Variants in ATXN10 observed in about 807,000 individuals in gnomAD.
ATXN10 encodes the protein ataxin 10.
In ATXN10, 28 loss-of-function variants were observed where a neutral mutation model predicts 52.9. That is an observed-to-expected ratio of 0.53 (90% CI 0.39 to 0.73). The LOEUF is 0.73. ATXN10 is among the 30% of genes least tolerant of loss of function. The pLI, the probability that ATXN10 is intolerant of heterozygous loss-of-function variation, is 0.00. For synonymous variants in ATXN10, 226 were observed against 221.5 expected, an observed-to-expected ratio of 1.02 and a Z score of -0.18; for missense variants, 565 against 577.0, an observed-to-expected ratio of 0.98 and a Z score of 0.21.
In ATXN10 at chr22:45,843,982, T is replaced by A. The variant is rs1249302909; in HGVS notation, c.*311T>A. 1.1e-5 allele frequency: 4 copies of A among 374,460 alleles called. No homozygotes were observed. Among genetic ancestry groups the A allele is most frequent in the African/African-American group, 8.3e-5 (4 of 48,348 alleles). 23.2% of individuals were successfully genotyped at this position (374,460 alleles called of 1,614,324 possible). On this transcript the variant is annotated 3_prime_UTR_variant, in exon 12 of 12. Coordinates refer to ENST00000252934, the MANE Select transcript of ATXN10 (RefSeq NM_013236.4). This position sits in a 1 kb window ranked among gnomAD's most constrained non-coding sequence, Gnocchi z 4.5. The stretch of plus-strand genomic sequence containing the variant: ...GTCTCTTGGAGGGCACAACCCTTAT[T>A]TGACAAAACTTGGATGTTGGCTTGA...
rs1002612336 is a variant in ATXN10 at position 45,774,675 on chromosome 22, A to G, written c.1174-32284A>G. Reference sequence around the variant, plus strand: ...GGGCTGGACGCGGTGGCTCACGCTTATAATCCTAGCACTTTGGGAGGCTGA... The same window carrying G: ...GGGCTGGACGCGGTGGCTCACGCTTGTAATCCTAGCACTTTGGGAGGCTGA... On this transcript the variant is annotated intron_variant, in intron 9 of 11. Transcript: ENST00000252934. The surrounding 1 kb of genome is among the most constrained non-coding windows in gnomAD (Gnocchi z 6.2). Among the ~76,000 whole-genome samples, 1 of 152,162 alleles carries G rather than the reference A, an allele frequency of 6.6e-6. No individual in the cohort carries two copies. The highest frequency in any genetic ancestry group is 2.4e-5 in the African/African-American group (1 of 41,446).
At chr22:45,798,377 G>A (rs968118018) in intron 9 of ATXN10, among the ~76,000 whole-genome samples, 1 of 152,168 alleles carries the variant, frequency 6.6e-6, no homozygotes, top group East Asian at 1.9e-4. Context: ...TTTGATGTTA[G>A]AAAAGCAGAC....
At position 45,818,260 on chromosome 22, in the gene ATXN10, T is replaced by G. The variant is rs558070286; in HGVS notation, c.1237+11238T>G. Among the ~76,000 whole-genome samples, 38 of 152,324 alleles carry G rather than the reference T, an allele frequency of 2.5e-4. No individual in the cohort carries two copies. The highest frequency in any genetic ancestry group is 8.9e-4 in the African/African-American group (37 of 41,572). ...TGTACGGATTGGCAGACAGCCTGGC[T>G]TCTTTCCAGGGCATTAACAGTTATG... is the stretch of plus-strand genomic sequence containing the variant. On this transcript the variant is annotated intron_variant, in intron 10 of 11. Coordinates refer to ENST00000252934, the MANE Select transcript of ATXN10 (RefSeq NM_013236.4). This position sits in a 1 kb window ranked among gnomAD's most constrained non-coding sequence, Gnocchi z 4.6.
rs868625412 is a variant in ATXN10, at chr22:45,833,636, A to G, written c.1238-9355A>G. 2.2e-4 allele frequency among the ~76,000 whole-genome samples: 33 copies of G among 152,244 alleles called. No individual in the cohort carries two copies. The Middle Eastern group carries it at 0.01, about 47-fold the overall frequency. On this transcript the variant is annotated intron_variant, in intron 10 of 11. Coordinates refer to ENST00000252934, the MANE Select transcript of ATXN10 (RefSeq NM_013236.4). This position sits in a 1 kb window ranked among gnomAD's most constrained non-coding sequence, Gnocchi z 4.3. ...TAGCTTATTAGCTAGTTCTAAAGGT[A>G]TTTTGCAGAGATAGTTACTCTGACT...
Position 45,783,953 on chromosome 22 carries a change from G to A in ATXN10, c.1174-23006G>A, listed in dbSNP as rs978976980. On this transcript the variant is annotated intron_variant, in intron 9 of 11. Coordinates refer to ENST00000252934, the MANE Select transcript of ATXN10 (RefSeq NM_013236.4). This position sits in a 1 kb window ranked among gnomAD's most constrained non-coding sequence, Gnocchi z 5.0. ...CTTGAGATGTCTTCCTAGGTCTGCTGAGGCTGGCGGCCCACTACCCGCATT... is the reference window on the plus strand; with the variant it reads ...CTTGAGATGTCTTCCTAGGTCTGCTAAGGCTGGCGGCCCACTACCCGCATT... 6.6e-6 allele frequency among the ~76,000 whole-genome samples: 1 copy of A among 152,158 alleles called. No individual in the cohort carries two copies. Among genetic ancestry groups the A allele is most frequent in the Non-Finnish European group, 1.5e-5 (1 of 68,024 alleles).
rs1463270793 is a variant in ATXN10 at position 45,763,860 on chromosome 22, A to G, written c.1173+23322A>G. Among the ~76,000 whole-genome samples, 2 of 152,160 alleles carry G rather than the reference A, an allele frequency of 1.3e-5. No homozygotes were observed. Among genetic ancestry groups the G allele is most frequent in the Non-Finnish European group, 2.9e-5 (2 of 68,028 alleles). On this transcript the variant is annotated intron_variant, in intron 9 of 11. Coordinates refer to ENST00000252934, the MANE Select transcript of ATXN10 (RefSeq NM_013236.4). This position sits in a 1 kb window ranked among gnomAD's most constrained non-coding sequence, Gnocchi z 6.9. ...GGGCTCACTGAGTGAGCTGGTGAGC[A>G]TGGGCTGTCTTGAGGTGCCGGCTGT...
At chr22:45,809,427 C>G (rs887610306) in intron 10 of ATXN10, among the ~76,000 whole-genome samples, 3 of 152,154 alleles carry the variant, frequency 2.0e-5, no homozygotes, top group East Asian at 3.8e-4. Context: ...TCTAGCTCCA[C>G]TTTTTACACT....
At chr22:45,741,285 C>T (rs1176286977) in intron 9 of ATXN10, among the ~76,000 whole-genome samples, 1 of 152,188 alleles carries the variant, frequency 6.6e-6, no homozygotes, top group African/African-American at 2.4e-5. Flanking sequence ...GCATCTATTT[C>T]TCCATCCACT....
At chr22:45,691,268 G>A (rs1004385372) in intron 2 of ATXN10, among the ~76,000 whole-genome samples, 6 of 152,186 alleles carry the variant, frequency 3.9e-5, no homozygotes, top group African/African-American at 1.2e-4. Context: ...AAGGAGAGCC[G>A]TAGAACTAAC....
intron 9 of ATXN10, among the ~76,000 whole-genome samples, chr22:45,798,287 C>T (rs1927815359): frequency 6.6e-6 from 1 of 152,168 alleles, no homozygotes; most frequent in African/African-American, 2.4e-5. Flanking sequence ...TTCAAAATAT[C>T]AGCAAAGTGG....
At chr22:45,753,284 C>T (rs1353696163) in intron 9 of ATXN10, among the ~76,000 whole-genome samples, 1 of 150,472 alleles carries the variant, frequency 6.6e-6, no homozygotes, top group African/African-American at 2.4e-5. Context: ...GGCAGAAGTC[C>T]CATAGGTCCT....
intron 9 of ATXN10, among the ~76,000 whole-genome samples, chr22:45,755,874 T>G (rs530954353): frequency 1.3e-3 from 193 of 152,284 alleles, no homozygotes; most frequent in Non-Finnish European, 1.9e-3. Context: ...TAGAAATCTG[T>G]GAACTGAGCC....
rs141775257 is a variant in ATXN10 at position 45,696,854 on chromosome 22, A to G, written c.392-3428A>G. On this transcript the variant is annotated intron_variant, in intron 3 of 11. Transcript: ENST00000252934. The surrounding 1 kb of genome is among the most constrained non-coding windows in gnomAD (Gnocchi z 4.7). ...TTTAACGGAGCAGATATCTGAAACT[A>G]CTTTTATGAACCAGTTTGTCATTGA... Among the ~76,000 whole-genome samples, 151 of 152,318 alleles carry G rather than the reference A, an allele frequency of 9.9e-4. 1 individual carries two copies. The highest frequency in any genetic ancestry group is 9.8e-3 in the South Asian group (47 of 4,818).
At chr22:45,827,471 A>G (rs1928853681) in intron 10 of ATXN10, among the ~76,000 whole-genome samples, 1 of 152,198 alleles carries the variant, frequency 6.6e-6, no homozygotes, top group African/African-American at 2.4e-5. Flanking sequence ...AGAAAAAGAT[A>G]GTATAAGGAA....
Position 45,732,351 on chromosome 22 carries a change from G to A in ATXN10, c.894+2761G>A, listed in dbSNP as rs559066720. The stretch of plus-strand genomic sequence containing the variant: ...GTGTGTGCCTGTGTTCCTAGCCACC[G>A]GTGAGGCTGAGGTGGGAGGCTTGCC... On this transcript the variant is annotated intron_variant, in intron 7 of 11. Coordinates refer to ENST00000252934, the MANE Select transcript of ATXN10 (RefSeq NM_013236.4). This position sits in a 1 kb window ranked among gnomAD's most constrained non-coding sequence, Gnocchi z 4.5. 4.6e-5 allele frequency among the ~76,000 whole-genome samples: 7 copies of A among 151,892 alleles called. No homozygotes were observed. Among genetic ancestry groups the A allele is most frequent in the African/African-American group, 1.7e-4 (7 of 41,392 alleles).
In ATXN10 at chr22:45,693,037, T is replaced by A. The variant is rs767715353; in HGVS notation, c.350T>A (p.Leu117Gln). The change falls in exon 3 of 12, where the codon CTG (leucine) becomes CAG (glutamine). Residue 117 changes from leucine to glutamine, a missense_variant. Leu to Gln is a moderately radical substitution (Grantham distance 113). Coordinates refer to ENST00000252934, the MANE Select transcript of ATXN10 (RefSeq NM_013236.4). ...GGTGTTGCTGTTGATTTGATTCTTC[T>A]GTTTCGTGAACTGCGAGTGGAACAG... ...TIGVAVDLIL[L>Q]FRELRVEQES... is the part of the protein sequence containing the mutation. 1.2e-6 allele frequency: 2 copies of A among 1,614,174 alleles called. No individual in the cohort carries two copies. The highest frequency in any genetic ancestry group is 3.3e-5 in the Admixed American group (2 of 60,022).
chr22:45,697,989 C>T (rs1478580202), intron 3 of ATXN10, among the ~76,000 whole-genome samples: 1 of 152,190 alleles, frequency 6.6e-6, no homozygotes, highest in Non-Finnish European at 1.5e-5. Context: ...CTTCGTTCCT[C>T]TTTATGGTGG....
intron 5 of ATXN10, among the ~76,000 whole-genome samples, chr22:45,716,203 T>G (rs1946019215): frequency 1.3e-5 from 2 of 152,128 alleles, no homozygotes; most frequent in South Asian, 4.1e-4. Flanking sequence ...AGTTTGAGGG[T>G]GCAGTGAGCT....
chr22:45,739,813 T>C (rs1316737930), intron 8 of ATXN10, among the ~76,000 whole-genome samples: 1 of 152,218 alleles, frequency 6.6e-6, no homozygotes, highest in Non-Finnish European at 1.5e-5. Context: ...TCTGTTTTCA[T>C]TGGCTGCCTG....
Sources: gnomAD v4.1 joint callset for allele counts (sites outside exome capture counted in the v4.1 genomes callset) on GRCh38, gnomAD v4.1.1 for gene constraint, Gnocchi (gnomAD v3.1) non-coding constraint, MANE v1.5 for transcripts, NCBI Gene and HGNC (gene_info 2026-07-23, HGNC 2026-07-21) for gene names.